Variants in GRIN2B observed in about 807,000 individuals in gnomAD.
GRIN2B encodes glutamate receptor ionotropic, NMDA 2B.
In GRIN2B, 5 loss-of-function variants were observed where a neutral mutation model predicts 114.5. That is an observed-to-expected ratio of 0.04 (90% CI 0.02 to 0.09). The LOEUF (loss-of-function observed/expected upper bound fraction) is 0.09, where lower values mean the gene tolerates loss of function less well. Ranked by LOEUF, GRIN2B falls within the 10% of genes least tolerant of loss-of-function variation. GRIN2B has a pLI of 1.00. For synonymous variants in GRIN2B, 787 were observed against 745.1 expected (o/e 1.06, Z -0.92); for missense variants, 1,108 against 1,943.5 (o/e 0.57, Z 8.08).
chr12:13,932,365 A>C (rs1482966647), intron 2 of GRIN2B, among the ~76,000 whole-genome samples: 1 of 152,236 alleles, frequency 6.6e-6, no homozygotes, highest in Non-Finnish European at 1.5e-5. Flanking sequence ...AACATTGTCT[A>C]AATTTATATC....
intron 3 of GRIN2B, among the ~76,000 whole-genome samples, chr12:13,826,158 C>G (rs899023837): frequency 6.6e-6 from 1 of 151,950 alleles, no homozygotes; most frequent in Non-Finnish European, 1.5e-5. Flanking sequence ...CTTGAAACTG[C>G]TACACTCCTT....
intron 5 of GRIN2B, among the ~76,000 whole-genome samples, chr12:13,655,560 G>A (rs1158000963): frequency 6.6e-6 from 1 of 152,158 alleles, no homozygotes; most frequent in Non-Finnish European, 1.5e-5. Context: ...GTGGTGCATG[G>A]GAGGTCAGCA....
intron 2 of GRIN2B, among the ~76,000 whole-genome samples, chr12:13,893,717 A>G (rs2136779318): frequency 6.6e-6 from 1 of 152,266 alleles, no homozygotes; most frequent in African/African-American, 2.4e-5. Context: ...AAAGCCATCT[A>G]CTCAAAAGCA....
At chr12:13,759,243 T>C (rs1267466015) in intron 3 of GRIN2B, among the ~76,000 whole-genome samples, 2 of 151,972 alleles carry the variant, frequency 1.3e-5, no homozygotes, top group African/African-American at 2.4e-5. Flanking sequence ...TCTCCTGACA[T>C]GGTGACCCGC....
rs563608215 is a variant in GRIN2B, at chr12:13,742,488, T to C, written c.1010+10829A>G. 3.2e-3 allele frequency among the ~76,000 whole-genome samples: 486 copies of C among 152,296 alleles called. 2 individuals carry two copies. Among genetic ancestry groups the C allele is most frequent in the Non-Finnish European group, 4.4e-3 (302 of 68,014 alleles). On this transcript the variant is annotated intron_variant, in intron 4 of 13. Transcript: ENST00000609686. ...CCCTGTTGCCGAGGCTGGAGTACAG[T>C]GGCATGATCTCGGCTCACTGAAACC... is the stretch of plus-strand genomic sequence containing the variant.
intron 5 of GRIN2B, among the ~76,000 whole-genome samples, chr12:13,659,412 G>A (rs1224738972): frequency 1.3e-5 from 2 of 152,042 alleles, no homozygotes; most frequent in African/African-American, 2.4e-5. Context: ...CGGCATTCCT[G>A]CAGGCACCTA....
intron 2 of GRIN2B, among the ~76,000 whole-genome samples, chr12:13,946,928 A>G (rs1867371940): frequency 6.6e-6 from 1 of 152,188 alleles, no homozygotes; most frequent in Non-Finnish European, 1.5e-5. Flanking sequence ...GACCCTTAGA[A>G]GTGTTTTCAC....
chr12:13,575,578 G>C (rs1156720127), intron 10 of GRIN2B, among the ~76,000 whole-genome samples: 1 of 152,028 alleles, frequency 6.6e-6, no homozygotes, highest in Non-Finnish European at 1.5e-5. Flanking sequence ...AGGATTGCTT[G>C]AGCCCAGGAG....
chr12:13,857,922 C>T (rs142119235), intron 3 of GRIN2B, among the ~76,000 whole-genome samples: 103 of 152,280 alleles, frequency 6.8e-4, no homozygotes, highest in African/African-American at 2.3e-3. Flanking sequence ...GGAGCAGCCA[C>T]CTTCCAACCA....
intron 2 of GRIN2B, among the ~76,000 whole-genome samples, chr12:13,883,635 C>T (rs1316463496): frequency 6.6e-6 from 1 of 152,036 alleles, no homozygotes; most frequent in African/African-American, 2.4e-5. Flanking sequence ...GTCCACTTTG[C>T]AATTGAGTTT....
At chr12:13,919,585 A>T (rs1866789984) in intron 2 of GRIN2B, among the ~76,000 whole-genome samples, 1 of 152,188 alleles carries the variant, frequency 6.6e-6, no homozygotes, top group Admixed American at 6.5e-5. Context: ...AAAAATAACA[A>T]ATGCCACGTG....
At chr12:13,897,268 G>A (rs538228568) in intron 2 of GRIN2B, among the ~76,000 whole-genome samples, 7 of 152,224 alleles carry the variant, frequency 4.6e-5, no homozygotes, top group Admixed American at 6.5e-5. Context: ...AGCCTAGCTA[G>A]AGCCCCACTG....
intron 2 of GRIN2B, among the ~76,000 whole-genome samples, chr12:13,951,962 T>G (rs573208077): frequency 3.7e-4 from 56 of 152,330 alleles, no homozygotes; most frequent in Non-Finnish European, 6.5e-4. Context: ...GATTAATACA[T>G]TTATCTGTAC....
intron 3 of GRIN2B, among the ~76,000 whole-genome samples, chr12:13,767,422 T>C (rs1591719714): frequency 6.6e-6 from 1 of 152,242 alleles, no homozygotes; most frequent in Non-Finnish European, 1.5e-5. Flanking sequence ...TAATTTTTTT[T>C]CTAATTTTCT....
chr12:13,938,319 T>A (rs1867166467), intron 2 of GRIN2B, among the ~76,000 whole-genome samples: 1 of 152,098 alleles, frequency 6.6e-6, no homozygotes, highest in South Asian at 2.1e-4. Context: ...ATATGTTATT[T>A]ATAAGAAAAG....
rs938264824 is a variant in GRIN2B at position 13,951,855 on chromosome 12, G to A, written c.-19+28073C>T. On this transcript the variant is annotated intron_variant, in intron 2 of 13. Coordinates refer to ENST00000609686, the MANE Select transcript of GRIN2B (RefSeq NM_000834.5). Reference sequence around the variant, plus strand: ...TGTGGCTTCTGTAAGGGAATTCACAGGAAGAAGGGGATAAATAGACTTTAT... The same window carrying A: ...TGTGGCTTCTGTAAGGGAATTCACAAGAAGAAGGGGATAAATAGACTTTAT... Among the ~76,000 whole-genome samples, 12 of 152,230 alleles carry A rather than the reference G, an allele frequency of 7.9e-5. No homozygotes were observed. The South Asian group carries it at 2.5e-3, about 32-fold the overall frequency.
intron 4 of GRIN2B, among the ~76,000 whole-genome samples, chr12:13,690,316 C>T (rs1950205573): frequency 1.4e-5 from 2 of 139,400 alleles, no homozygotes; most frequent in Middle Eastern, 3.6e-3. Context: ...CACACACACA[C>T]ATGCACACGC....
intron 3 of GRIN2B, among the ~76,000 whole-genome samples, chr12:13,828,672 T>C (rs1048234960): frequency 6.6e-6 from 1 of 152,240 alleles, no homozygotes; most frequent in African/African-American, 2.4e-5. Context: ...ATAATAATCC[T>C]GTGCTACCCA....
chr12:13,982,119 G>C (rs1863153510), upstream of GRIN2B, among the ~76,000 whole-genome samples: 1 of 151,780 alleles, frequency 6.6e-6, no homozygotes, highest in Non-Finnish European at 1.5e-5. Context: ...TGGGGAAGTG[G>C]GGTGGTAAGG....
Sources: allele counts gnomAD v4.1 joint callset (sites outside exome capture counted in the v4.1 genomes callset), GRCh38; gene constraint gnomAD v4.1.1; transcripts MANE v1.5; gene names NCBI Gene and HGNC (gene_info 2026-07-23, HGNC 2026-07-21).